The following FHIP1A variants were observed in gnomAD, a reference collection of about 807,000 sequenced individuals.
FHIP1A encodes the protein FHF complex subunit HOOK-interacting protein 1A.
Under a neutral mutation model 88.6 loss-of-function variants are expected in FHIP1A, and 61 were observed. The observed-to-expected ratio is 0.69, with a 90% confidence interval of 0.56 to 0.85. The LOEUF (loss-of-function observed/expected upper bound fraction) is 0.85, where lower values mean the gene tolerates loss of function less well. FHIP1A is among the 40% of genes least tolerant of loss of function. The pLI, the probability that FHIP1A is intolerant of heterozygous loss-of-function variation, is 0.00. For missense variants in FHIP1A, 1,154 were observed against 1,273.5 expected (o/e 0.91, Z 1.43); for synonymous variants, 478 against 496.0 (o/e 0.96, Z 0.48).
rs1560825887 is a variant in FHIP1A, at chr4:151,656,553, T to G, written c.2730+143T>G. On this transcript the variant is annotated intron_variant, in intron 12 of 13. Coordinates refer to ENST00000435205, the MANE Select transcript of FHIP1A (RefSeq NM_001109977.3). The surrounding 1 kb of genome is among the most constrained non-coding windows in gnomAD (Gnocchi z 4.2). ...CTTCCCTGTCCTATTAAGCTCACTGTGTAGTTTATTCTAGACAAACTGTAG... is the reference window on the plus strand; with the variant it reads ...CTTCCCTGTCCTATTAAGCTCACTGGGTAGTTTATTCTAGACAAACTGTAG... 9.8e-7 allele frequency: 1 copy of G among 1,023,134 alleles called. No homozygotes were observed. Among genetic ancestry groups the G allele is most frequent in the African/African-American group, 1.6e-5 (1 of 61,730 alleles). The allele number at this position is 1,023,134 out of a possible 1,614,324, so 63.4% of individuals were successfully genotyped here.
At position 151,448,710 on chromosome 4, in the gene FHIP1A, G is replaced by A. The variant is rs568875403; in HGVS notation, c.-355-5991G>A. 3.3e-5 allele frequency among the ~76,000 whole-genome samples: 5 copies of A among 152,274 alleles called. No individual in the cohort carries two copies. The South Asian group carries it at 8.3e-4, about 25-fold the overall frequency. ...TATTTTGTTTATCATCTATCGATGGGCACTTGGGTTTCTTCTAGTTTTTTG... is the reference window on the plus strand; with the variant it reads ...TATTTTGTTTATCATCTATCGATGGACACTTGGGTTTCTTCTAGTTTTTTG... On this transcript the variant is annotated intron_variant, in intron 1 of 13. Coordinates refer to ENST00000435205, the MANE Select transcript of FHIP1A (RefSeq NM_001109977.3).
intron 2 of FHIP1A, among the ~76,000 whole-genome samples, chr4:151,476,337 C>T (rs1397691938): frequency 1.3e-5 from 2 of 151,526 alleles, no homozygotes; most frequent in Admixed American, 6.6e-5. Context: ...TTTGTCGAGA[C>T]GAAGTCTTGC....
chr4:151,642,251 A>C (rs563618146), intron 9 of FHIP1A, among the ~76,000 whole-genome samples: 1 of 152,358 alleles, frequency 6.6e-6, no homozygotes, highest in South Asian at 2.1e-4. Context: ...AGTTGAGACA[A>C]AATTTAATTG....
At chr4:151,586,570 A>T in intron 5 of FHIP1A, 71 bp from the exon 6 acceptor site, 1 of 1,251,216 alleles carries the variant, frequency 8.0e-7, no homozygotes, top group Non-Finnish European at 1.1e-6. Context: ...CATTGGCATC[A>T]CCTGTGAGCT....
chr4:151,618,590 T>G (rs546774026), intron 7 of FHIP1A, among the ~76,000 whole-genome samples: 9 of 152,352 alleles, frequency 5.9e-5, no homozygotes, highest in African/African-American at 1.9e-4. Context: ...CTTCTTTATG[T>G]GCTCGCCAAA....
intron 3 of FHIP1A, among the ~76,000 whole-genome samples, chr4:151,487,583 G>A (rs529517221): frequency 2.6e-5 from 4 of 152,152 alleles, no homozygotes; most frequent in Non-Finnish European, 4.4e-5. Context: ...CCTGAAATCC[G>A]TGCCTTCTTT....
At chr4:151,495,368 A>G (rs1329660243) in intron 3 of FHIP1A, among the ~76,000 whole-genome samples, 2 of 151,760 alleles carry the variant, frequency 1.3e-5, no homozygotes, top group African/African-American at 2.4e-5. Context: ...TGGATGTGGT[A>G]GCACGCGCCT....
intron 1 of FHIP1A, among the ~76,000 whole-genome samples, chr4:151,453,252 G>A (rs1220865846): frequency 6.6e-6 from 1 of 152,122 alleles, no homozygotes; most frequent in African/African-American, 2.4e-5. Flanking sequence ...CTGACCTCAA[G>A]TGATCCGCCC....
chr4:151,603,507 C>A (rs1734955453), intron 7 of FHIP1A, among the ~76,000 whole-genome samples: 1 of 152,016 alleles, frequency 6.6e-6, no homozygotes, highest in South Asian at 2.1e-4. Context: ...AGGGACTATT[C>A]CTGCACTGAT....
At chr4:151,449,370 G>A (rs1728716236) in intron 1 of FHIP1A, among the ~76,000 whole-genome samples, 1 of 151,986 alleles carries the variant, frequency 6.6e-6, no homozygotes, top group South Asian at 2.1e-4. Context: ...GAGTGTTGGA[G>A]GTGGCATCTT....
rs1356246027 is a variant in FHIP1A at position 151,668,553 on chromosome 4, G to A, written c.*5799G>A. 8.5e-5 allele frequency among the ~76,000 whole-genome samples: 13 copies of A among 152,154 alleles called. No individual in the cohort carries two copies. ...CCTAGGCCTCCACCTTGAAAGACAG[G>A]AACAGAAGTTCACTGTGATGTGTGA... On this transcript the variant is annotated 3_prime_UTR_variant, in exon 14 of 14. Transcript: ENST00000435205.
At chr4:151,470,450 C>T (rs1216618114) in intron 2 of FHIP1A, among the ~76,000 whole-genome samples, 1 of 152,130 alleles carries the variant, frequency 6.6e-6, no homozygotes, top group East Asian at 1.9e-4. Context: ...AGTGGGGTCA[C>T]TGAGTAGATG....
chr4:151,582,803 T>G (rs1243869557), intron 5 of FHIP1A, among the ~76,000 whole-genome samples: 5 of 152,200 alleles, frequency 3.3e-5, no homozygotes, highest in African/African-American at 1.2e-4. Context: ...AAGGCTAAAA[T>G]AGTGGATGGG....
At chr4:151,452,547 G>A (rs1352360885) in intron 1 of FHIP1A, among the ~76,000 whole-genome samples, 1 of 152,104 alleles carries the variant, frequency 6.6e-6, no homozygotes, top group Admixed American at 6.5e-5. Flanking sequence ...CCAAGATGGT[G>A]AAACCCTGTC....
chr4:151,656,630 A>C lies in FHIP1A; in HGVS notation c.2731-130A>C, dbSNP rs1270606691. 9.1e-7 allele frequency: 1 copy of C among 1,104,170 alleles called. No homozygotes were observed. Among genetic ancestry groups the C allele is most frequent in the African/African-American group, 1.6e-5 (1 of 63,114 alleles). 68.4% of individuals were successfully genotyped at this position (1,104,170 alleles called of 1,614,324 possible). On this transcript the variant is annotated intron_variant, in intron 12 of 13. Transcript: ENST00000435205. This position sits in a 1 kb window ranked among gnomAD's most constrained non-coding sequence, Gnocchi z 4.2. Reference sequence around the variant, plus strand: ...GGTGCCCTACGCAGAACACCCAGGCAGTTAAAAATGAACAAATGTCTAACA... The same window carrying C: ...GGTGCCCTACGCAGAACACCCAGGCCGTTAAAAATGAACAAATGTCTAACA...
intron 7 of FHIP1A, among the ~76,000 whole-genome samples, chr4:151,628,276 T>A (rs1237090693): frequency 1.3e-5 from 2 of 152,208 alleles, no homozygotes; most frequent in Non-Finnish European, 2.9e-5. Context: ...CATGCCTTGC[T>A]TAGATAAAGA....
chr4:151,541,395 A>G (rs1188312309), intron 3 of FHIP1A, among the ~76,000 whole-genome samples: 1 of 152,194 alleles, frequency 6.6e-6, no homozygotes, highest in Non-Finnish European at 1.5e-5. Context: ...GCCACTGCAT[A>G]TACATTTTTA....
chr4:151,444,543 C>T (rs188186532), intron 1 of FHIP1A, among the ~76,000 whole-genome samples: 59 of 152,246 alleles, frequency 3.9e-4, no homozygotes, highest in Non-Finnish European at 1.2e-4. Context: ...CACGTTTCTC[C>T]TATGGTGACC....
At chr4:151,516,455 T>G (rs910539814) in intron 3 of FHIP1A, among the ~76,000 whole-genome samples, 4 of 151,884 alleles carry the variant, frequency 2.6e-5, no homozygotes, top group Admixed American at 2.6e-4. Context: ...ACAAATGGGA[T>G]CTAATTAAAC....
Sources: allele counts gnomAD v4.1 joint callset (sites outside exome capture counted in the v4.1 genomes callset), GRCh38; gene constraint gnomAD v4.1.1; non-coding constraint Gnocchi (gnomAD v3.1); transcripts MANE v1.5; gene names NCBI Gene and HGNC (gene_info 2026-07-23, HGNC 2026-07-21).